The following SMCHD1 variants were observed in gnomAD, a reference collection of about 807,000 sequenced individuals.
SMCHD1 encodes the protein structural maintenance of chromosomes flexible hinge domain containing 1.
Under a neutral mutation model 254.7 loss-of-function variants are expected in SMCHD1, and 78 were observed. That is an observed-to-expected ratio of 0.31 (90% CI 0.26 to 0.37). The LOEUF (loss-of-function observed/expected upper bound fraction) is 0.37. SMCHD1 is among the 10% of genes least tolerant of loss of function. The pLI, the probability that SMCHD1 is intolerant of heterozygous loss-of-function variation, is 1.00. For synonymous variants in SMCHD1, 766 were observed against 794.9 expected (o/e 0.96, Z 0.61); for missense variants, 1,840 against 2,408.1 (o/e 0.76, Z 4.94).
intron 44 of SMCHD1, chr18:2,778,981 G>T (rs300289): frequency 0.99 from 150,281 of 152,338 alleles, 74,158 homozygotes; most frequent in East Asian, 1. Flanking sequence ...CTCAATTGAT[G>T]GTTCACCATC....
At chr18:2,704,987 A>G (rs2074482546) in intron 13 of SMCHD1, among the ~76,000 whole-genome samples, 1 of 152,154 alleles carries the variant, frequency 6.6e-6, no homozygotes, top group African/African-American at 2.4e-5. Context: ...CCAAGTGAAG[A>G]GTTACAAGAA....
chr18:2,784,377 T>C, intron 44 of SMCHD1, 73 bp from the exon 45 acceptor site: 1 of 1,290,864 alleles, frequency 7.7e-7, no homozygotes, highest in Non-Finnish European at 1.1e-6. Flanking sequence ...CTCAGAAACT[T>C]TAAATTATTT....
At chr18:2,666,032 TTCCTAGATAAGTGTAGTGGTTACAGAA>T (rs2073425566) in intron 1 of SMCHD1, 98 bp from the exon 2 acceptor site, 3 of 505,582 alleles carry the variant, frequency 5.9e-6, no homozygotes, top group Non-Finnish European at 1.1e-5. Flanking sequence ...AGTTTTGTAT[TTCCTAGATAAGTGTAGTGGTTACAGAA>T]TTATAATGTA....
Position 2,726,497 on chromosome 18 carries a change from C to A in SMCHD1, c.2746C>A (p.Gln916Lys). The change falls in exon 22 of 48, where the codon CAG becomes AAG. Residue 916 changes from glutamine (Q) to lysine (K), a missense_variant. This residue lies in a region of SMCHD1 where 881 missense variants were observed against 1,009.5 expected (regional missense o/e 0.87). Transcript: ENST00000320876. ...VTLPGLKEDSQILKIRLLPGH... is the reference protein window; with the variant it reads ...VTLPGLKEDSKILKIRLLPGH... ...TCTGCCTGGCTTAAAAGAAGACTCA[C>A]AGATTTTGAAAATTAGATTACTACC... The A allele has an allele frequency of 6.7e-7, 1 of 1,488,124 alleles. No homozygotes were observed. The highest frequency in any genetic ancestry group is 1.3e-5 in the South Asian group (1 of 75,248). 92.2% of individuals were successfully genotyped at this position (1,488,124 alleles called of 1,614,324 possible).
chr18:2,785,794 T>G (rs1369090799), intron 45 of SMCHD1, among the ~76,000 whole-genome samples: 1 of 152,126 alleles, frequency 6.6e-6, no homozygotes, highest in East Asian at 1.9e-4. Flanking sequence ...CCCATTATAC[T>G]TCTTTCTGTC....
At chr18:2,768,337 GA>G (rs60566888) in intron 37 of SMCHD1, among the ~76,000 whole-genome samples, 1 of 151,698 alleles carries the variant, frequency 6.6e-6, no homozygotes, top group African/African-American at 2.4e-5. Context: ...CCCCTTTTTA[GA>G]AAAAAATATG....
chr18:2,738,812 C>T (rs769548922), intron 26 of SMCHD1, among the ~76,000 whole-genome samples: 3 of 152,000 alleles, frequency 2.0e-5, no homozygotes, highest in African/African-American at 4.8e-5. Flanking sequence ...ATGACAAAGA[C>T]GTGAAAAATA....
intron 24 of SMCHD1, among the ~76,000 whole-genome samples, chr18:2,729,707 C>G (rs66771342): frequency 6.7e-6 from 1 of 148,558 alleles, no homozygotes. Context: ...TTTATTCTTT[C>G]GCTTTTTTTT....
chr18:2,707,311 T>A (rs972579871), intron 15 of SMCHD1: 1 of 262,340 alleles, frequency 3.8e-6, no homozygotes, highest in Admixed American at 5.3e-5. Context: ...AAAAAAAAAA[T>A]CAACAAAAAT....
chr18:2,796,932 T>C (rs1338498240), intron 47 of SMCHD1: 3 of 153,440 alleles, frequency 2.0e-5, no homozygotes, highest in African/African-American at 7.2e-5. Flanking sequence ...ATTCTTCCTT[T>C]GAGCCAGAAT....
chr18:2,689,181 T>C (rs2074115818), intron 7 of SMCHD1, among the ~76,000 whole-genome samples: 1 of 152,142 alleles, frequency 6.6e-6, no homozygotes, highest in South Asian at 2.1e-4. Flanking sequence ...TTATTGTATA[T>C]TCCTTCAACT....
At chr18:2,738,741 A>G (rs529474532) in intron 26 of SMCHD1, among the ~76,000 whole-genome samples, 196 bp downstream of exon 26, 2 of 152,318 alleles carry the variant, frequency 1.3e-5, no homozygotes, top group South Asian at 4.1e-4. Flanking sequence ...TTGGCCTTCT[A>G]GTAGCTGGAA....
Position 2,700,726 on chromosome 18 carries a change from C to G in SMCHD1, c.1464-9C>G. On this transcript the variant is annotated splice_polypyrimidine_tract_variant and intron_variant, in intron 11 of 47. Transcript: ENST00000320876. Reference sequence around the variant, plus strand: ...TTCTTTTACTAACTAACATTTTGTTCTGTTCAAGCTTTGACTGGTGTACTC... The same window carrying G: ...TTCTTTTACTAACTAACATTTTGTTGTGTTCAAGCTTTGACTGGTGTACTC... 5.6e-6 allele frequency: 9 copies of G among 1,606,292 alleles called. No homozygotes were observed. The highest frequency in any genetic ancestry group is 7.6e-6 in the Non-Finnish European group (9 of 1,176,500).
chr18:2,785,869 C>T (rs1255149760), intron 45 of SMCHD1, among the ~76,000 whole-genome samples: 4 of 152,086 alleles, frequency 2.6e-5, no homozygotes, highest in Non-Finnish European at 5.9e-5. Flanking sequence ...CCTTTTGTGA[C>T]TGGCTAATTT....
intron 15 of SMCHD1, chr18:2,707,300 G>GAA: frequency 8.4e-6 from 2 of 237,730 alleles, no homozygotes; most frequent in Non-Finnish European, 1.6e-5. Context: ...TAAACAAGTA[G>GAA]AAAAAAAAAA....
At chr18:2,659,280 G>A (rs1363565537) in intron 1 of SMCHD1, among the ~76,000 whole-genome samples, 1 of 152,102 alleles carries the variant, frequency 6.6e-6, no homozygotes, top group Non-Finnish European at 1.5e-5. Flanking sequence ...ACCACGCCTG[G>A]CTAATTTTAA....
chr18:2,700,485 T>G, intron 10 of SMCHD1, 54 bp from the exon 11 acceptor site: 5 of 1,525,272 alleles, frequency 3.3e-6, no homozygotes, highest in Non-Finnish European at 4.4e-6. Flanking sequence ...TTTGTTTCAT[T>G]ATTTCTCACA....
chr18:2,719,473 A>T (rs2074877169), intron 19 of SMCHD1, among the ~76,000 whole-genome samples: 1 of 150,932 alleles, frequency 6.6e-6, no homozygotes, highest in Non-Finnish European at 1.5e-5. Flanking sequence ...ATTTATTTGT[A>T]TTTTTAGTAG....
intron 5 of SMCHD1, among the ~76,000 whole-genome samples, chr18:2,680,459 T>G (rs1279404344): frequency 1.3e-5 from 2 of 152,210 alleles, no homozygotes; most frequent in Non-Finnish European, 2.9e-5. Context: ...CTTAAGTGCC[T>G]TGAACCACTA....
Sources: gnomAD v4.1 joint callset for allele counts (sites outside exome capture counted in the v4.1 genomes callset) on GRCh38, gnomAD v4.1.1 for gene constraint, gnomAD v4.1.1 regional missense constraint, MANE v1.5 for transcripts, NCBI Gene and HGNC (gene_info 2026-07-23, HGNC 2026-07-21) for gene names.